The following POU3F3 variants were observed in gnomAD, a reference collection of about 807,000 sequenced individuals.
The protein encoded by POU3F3 is POU domain, class 3, transcription factor 3.
POU3F3 carries 1 observed loss-of-function variant against 8.6 expected under a neutral mutation model. The observed-to-expected ratio is 0.12, with a 90% CI of 0.04 to 0.55. POU3F3 has a LOEUF of 0.55. Ranked by LOEUF, POU3F3 falls within the 20% of genes least tolerant of loss-of-function variation. The pLI is 0.91. For missense variants in POU3F3, 577 were observed against 690.7 expected, an observed-to-expected ratio of 0.84 and a Z score of 1.84; for synonymous variants, 418 against 327.4, an observed-to-expected ratio of 1.28 and a Z score of -2.99.
At chr2:104,891,141 C>A in the POU3F3 span, among the ~76,000 whole-genome samples, 2 of 152,294 alleles carry the variant, frequency 1.3e-5, no homozygotes, top group South Asian at 2.1e-4. Context: ...CGGCACCACA[C>A]CTAGCACCTA....
At chr2:104,927,552 C>T in the POU3F3 span, among the ~76,000 whole-genome samples, 1 of 151,954 alleles carries the variant, frequency 6.6e-6, no homozygotes, top group South Asian at 2.1e-4. Context: ...CCAAAGAGTT[C>T]GAGATCACGC....
At chr2:104,859,176 C>T (rs148903258), downstream of POU3F3, among the ~76,000 whole-genome samples, 95 of 152,034 alleles carry the variant, frequency 6.2e-4, no homozygotes, top group Non-Finnish European at 1.2e-3. Context: ...TTCTAAAATC[C>T]TGATTATGGT....
downstream of POU3F3, among the ~76,000 whole-genome samples, chr2:104,860,623 C>T (rs1676643980): frequency 6.6e-6 from 1 of 152,080 alleles, no homozygotes; most frequent in Non-Finnish European, 1.5e-5. Flanking sequence ...TTACAGTTTA[C>T]AGTCTCCTGT....
the POU3F3 span, among the ~76,000 whole-genome samples, chr2:104,917,605 G>A: frequency 2.0e-5 from 3 of 152,180 alleles, no homozygotes; most frequent in Admixed American, 2.0e-4. Flanking sequence ...CTGTGTAAAG[G>A]CTCCAAAGTG....
At chr2:104,918,934 T>C in the POU3F3 span, among the ~76,000 whole-genome samples, 1 of 150,812 alleles carries the variant, frequency 6.6e-6, no homozygotes, top group East Asian at 1.9e-4. Context: ...TGCAATGGCA[T>C]GATCTCAGCT....
At chr2:104,924,222 G>A in the POU3F3 span, among the ~76,000 whole-genome samples, 2 of 152,154 alleles carry the variant, frequency 1.3e-5, no homozygotes, top group African/African-American at 4.8e-5. Context: ...GCACAAGCCA[G>A]ACAGTCCCAG....
chr2:104,863,379 G>T (rs1676690036), downstream of POU3F3, among the ~76,000 whole-genome samples: 1 of 152,008 alleles, frequency 6.6e-6, no homozygotes, highest in Non-Finnish European at 1.5e-5. Flanking sequence ...GTCGGCTCAG[G>T]TTCCAGAGGT....
the POU3F3 span, chr2:104,872,181 C>T: frequency 2.2e-6 from 1 of 453,428 alleles, no homozygotes; most frequent in Non-Finnish European, 4.4e-6. The surrounding 1 kb of genome is among the most constrained non-coding windows in gnomAD (Gnocchi z 4.6). Context: ...CCTGCGCCCG[C>T]CGGCTGCGCC....
At chr2:104,899,202 G>A in the POU3F3 span, among the ~76,000 whole-genome samples, 1 of 152,208 alleles carries the variant, frequency 6.6e-6, no homozygotes, top group African/African-American at 2.4e-5. Context: ...GCGACGGATC[G>A]GCAGTATGGG....
the POU3F3 span, among the ~76,000 whole-genome samples, chr2:104,895,671 C>G: frequency 6.6e-6 from 1 of 152,202 alleles, no homozygotes; most frequent in African/African-American, 2.4e-5. Flanking sequence ...ATTCTGCACC[C>G]TATTCCTGCT....
chr2:104,875,140 A>C, the POU3F3 span, among the ~76,000 whole-genome samples: 1 of 152,224 alleles, frequency 6.6e-6, no homozygotes, highest in Admixed American at 6.5e-5. Context: ...TTCCAGGTTC[A>C]TCCATGTTGT....
At chr2:104,916,273 C>T in the POU3F3 span, among the ~76,000 whole-genome samples, 1 of 152,140 alleles carries the variant, frequency 6.6e-6, no homozygotes, top group African/African-American at 2.4e-5. Context: ...GATTTATTGA[C>T]AGCCTACTCT....
At chr2:104,924,469 C>T in the POU3F3 span, among the ~76,000 whole-genome samples, 3 of 152,168 alleles carry the variant, frequency 2.0e-5, no homozygotes, top group Admixed American at 6.5e-5. Flanking sequence ...CCATTTGCCC[C>T]CAACCAGCCC....
At chr2:104,877,628 T>C in the POU3F3 span, among the ~76,000 whole-genome samples, 992 of 151,872 alleles carry the variant, frequency 6.5e-3, 10 homozygotes, top group South Asian at 0.034. Flanking sequence ...TGGGCTCAAT[T>C]GCCATCACTG....
the POU3F3 span, among the ~76,000 whole-genome samples, chr2:104,895,107 T>A: frequency 1.3e-5 from 2 of 151,906 alleles, no homozygotes; most frequent in Admixed American, 6.6e-5. Context: ...ATTTTCTCAC[T>A]GGCCCTATCC....
the POU3F3 span, among the ~76,000 whole-genome samples, chr2:104,921,426 A>G: frequency 6.6e-6 from 1 of 152,104 alleles, no homozygotes; most frequent in East Asian, 1.9e-4. Flanking sequence ...AAGTCTTGCA[A>G]TTTCCTGGGG....
At chr2:104,912,867 A>C in the POU3F3 span, among the ~76,000 whole-genome samples, 1 of 152,220 alleles carries the variant, frequency 6.6e-6, no homozygotes, top group African/African-American at 2.4e-5. Context: ...TGCCAATGCC[A>C]CTGTCACCTT....
chr2:104,911,629 T>C, the POU3F3 span, among the ~76,000 whole-genome samples: 1 of 151,824 alleles, frequency 6.6e-6, no homozygotes, highest in Non-Finnish European at 1.5e-5. Context: ...AAGCCCTACA[T>C]ACCCCCTGAC....
chr2:104,916,310 G>C, the POU3F3 span, among the ~76,000 whole-genome samples: 6 of 152,164 alleles, frequency 3.9e-5, no homozygotes, highest in Non-Finnish European at 8.8e-5. Context: ...TAGTTGCTTA[G>C]ATGTAGTGAT....
Sources: allele counts gnomAD v4.1 joint callset (sites outside exome capture counted in the v4.1 genomes callset), GRCh38; gene constraint gnomAD v4.1.1; non-coding constraint Gnocchi (gnomAD v3.1); transcripts MANE v1.5; gene names NCBI Gene and HGNC (gene_info 2026-07-23, HGNC 2026-07-21).